Variants in GGNBP2 observed in about 807,000 individuals in gnomAD.
GGNBP2 encodes gametogenetin-binding protein 2.
Under a neutral mutation model 85.9 loss-of-function variants are expected in GGNBP2, and 10 were observed. That is an observed-to-expected ratio of 0.12 (90% CI 0.07 to 0.20). The LOEUF (loss-of-function observed/expected upper bound fraction) is 0.20, where lower values mean the gene tolerates loss of function less well. Among genes scored for constraint, GGNBP2 ranks in the 10% least tolerant of loss-of-function variants. GGNBP2 has a pLI of 1.00. For synonymous variants in GGNBP2, 287 were observed against 285.7 expected (o/e 1.00, Z -0.05); for missense variants, 595 against 857.8 (o/e 0.69, Z 3.83).
chr17:36,587,584 TAAAAA>T (rs569127085), intron 13 of GGNBP2: 4 of 207,588 alleles, frequency 1.9e-5, no homozygotes, highest in Non-Finnish European at 3.9e-5. Flanking sequence ...TTTGTAAAGT[TAAAAA>T]AAAAAAATCC....
At chr17:36,572,994 T>A (rs1344123676) in intron 6 of GGNBP2, among the ~76,000 whole-genome samples, 1 of 151,310 alleles carries the variant, frequency 6.6e-6, no homozygotes, top group Non-Finnish European at 1.5e-5. Flanking sequence ...AGATAATGTC[T>A]AAGATTCATC....
chr17:36,566,550 A>T (rs908594469), intron 5 of GGNBP2, among the ~76,000 whole-genome samples: 2 of 151,978 alleles, frequency 1.3e-5, no homozygotes, highest in African/African-American at 4.8e-5. Flanking sequence ...GTGGTGGTAC[A>T]CGCCTATGGT....
intron 2 of GGNBP2, among the ~76,000 whole-genome samples, chr17:36,553,021 C>CAAA (rs56946600): frequency 0.037 from 2,831 of 75,956 alleles, 123 homozygotes; most frequent in Non-Finnish European, 0.051. Flanking sequence ...GACTCTGTCT[C>CAAA]AAAAAAAAAA....
At chr17:36,546,527 A>G (rs2074257116) in intron 2 of GGNBP2, 1 of 152,088 alleles carries the variant, frequency 6.6e-6, no homozygotes. Context: ...GTCAAGACCC[A>G]GTTCCGGGTA....
chr17:36,574,583 G>A, intron 6 of GGNBP2: 1 of 535,002 alleles, frequency 1.9e-6, no homozygotes, highest in South Asian at 2.5e-5. Flanking sequence ...CCAGAGGTCG[G>A]GGGTCAGGTA....
intron 2 of GGNBP2, chr17:36,546,859 C>G (rs1006943387): frequency 1.3e-5 from 2 of 151,922 alleles, no homozygotes; most frequent in Non-Finnish European, 2.9e-5. Flanking sequence ...AAATATCTAC[C>G]GAAGTTTTTT....
intron 2 of GGNBP2, among the ~76,000 whole-genome samples, chr17:36,553,202 G>A (rs1395411436): frequency 6.6e-6 from 1 of 152,106 alleles, no homozygotes; most frequent in Non-Finnish European, 1.5e-5. Context: ...TTACTACCTA[G>A]AGATAGCCAC....
At chr17:36,584,189 C>T (rs778612633) in intron 9 of GGNBP2, among the ~76,000 whole-genome samples, 4 of 152,218 alleles carry the variant, frequency 2.6e-5, no homozygotes, top group Non-Finnish European at 5.9e-5. Flanking sequence ...TGCTAAATAT[C>T]CAAGTCTCTC....
intron 6 of GGNBP2, among the ~76,000 whole-genome samples, chr17:36,575,648 A>ATATATATATATTTTTTT (rs374366757): frequency 3.6e-5 from 2 of 54,914 alleles, no homozygotes; most frequent in Non-Finnish European, 5.7e-5. Context: ...ATATATATAT[A>ATATATATATATTTTTTT]TTTTTTTTTT....
In GGNBP2 at chr17:36,589,724, A is replaced by G; in HGVS notation, c.*313A>G. The stretch of plus-strand genomic sequence containing the variant: ...GTTGTACTTATAATTCTGTACAGAA[A>G]TGACAATGAGCTGAATATATGGTTT... On this transcript the variant is annotated 3_prime_UTR_variant, in exon 14 of 14. Coordinates refer to ENST00000613102, the MANE Select transcript of GGNBP2 (RefSeq NM_024835.5). The G allele has an allele frequency of 5.9e-6, 2 of 336,434 alleles. No individual in the cohort carries two copies. Among genetic ancestry groups the G allele is most frequent in the Non-Finnish European group, 1.1e-5 (2 of 184,450 alleles). 20.8% of individuals were successfully genotyped at this position (336,434 alleles called of 1,614,324 possible). A position where few individuals can be genotyped will look rare whatever the true frequency, so the allele number is the denominator to read the frequency against.
intron 2 of GGNBP2, among the ~76,000 whole-genome samples, chr17:36,548,214 A>T (rs1051177380): frequency 6.6e-6 from 1 of 152,250 alleles, no homozygotes; most frequent in African/African-American, 2.4e-5. Context: ...GTTTACAGGC[A>T]GTTGCAGACT....
chr17:36,586,108 T>C lies in GGNBP2; in HGVS notation c.1551T>C (p.Val517=). The C allele has an allele frequency of 6.2e-7, 1 of 1,614,150 alleles. No individual in the cohort carries two copies. Among genetic ancestry groups the C allele is most frequent in the Non-Finnish European group, 8.5e-7 (1 of 1,180,026 alleles). ...EDKEDDGDSC[V]ECWANSEEND... ...AAGAGGATGATGGTGATAGTTGTGT[T>C]GAATGTTGGGCAAATTCTGAAGAGA... Residue 517 remains valine (V), a synonymous_variant, in exon 12 of 14, where the codon GTT becomes GTC. Transcript: ENST00000613102.
intron 9 of GGNBP2, 165 bp downstream of exon 9, chr17:36,581,703 AG>A: frequency 2.4e-6 from 1 of 418,786 alleles, no homozygotes; most frequent in Non-Finnish European, 4.3e-6. Flanking sequence ...CAAGATAGTG[AG>A]ATCTCTATCT....
chr17:36,545,608 G>T lies in GGNBP2; in HGVS notation c.-106-11G>T. The T allele has an allele frequency of 1.3e-6, 1 of 749,056 alleles. No homozygotes were observed. The allele number at this position is 749,056 out of a possible 1,614,324, so 46.4% of individuals were successfully genotyped here. A position where few individuals can be genotyped will look rare whatever the true frequency, so the allele number is the denominator to read the frequency against. On this transcript the variant is annotated splice_polypyrimidine_tract_variant and intron_variant, in intron 1 of 13. Coordinates refer to ENST00000613102, the MANE Select transcript of GGNBP2 (RefSeq NM_024835.5). ...GCGGGTGCTTACGCTCGCGGGGTTT[G>T]GCTGTTGCAGGCAGGAGCTGGGAGG...
rs541672980 is a variant in GGNBP2, at chr17:36,569,458, G to T, written c.641+1682G>T. Among the ~76,000 whole-genome samples, 6 of 152,250 alleles carry T rather than the reference G, an allele frequency of 3.9e-5. No individual in the cohort carries two copies. In the South Asian group the frequency reaches 1.2e-3, roughly 32 times the overall value. ...AGCATCTAGAGATGGTGTTCTTGGG[G>T]CAGTTCTACTGTTTAAATTTGTTAC... On this transcript the variant is annotated intron_variant, in intron 6 of 13. Coordinates refer to ENST00000613102, the MANE Select transcript of GGNBP2 (RefSeq NM_024835.5).
At chr17:36,552,596 A>G (rs1198599927) in intron 2 of GGNBP2, among the ~76,000 whole-genome samples, 1 of 152,190 alleles carries the variant, frequency 6.6e-6, no homozygotes, top group Non-Finnish European at 1.5e-5. Flanking sequence ...ACCCCCCTTT[A>G]GAGGTATTAA....
chr17:36,573,264 C>T (rs889770523), intron 6 of GGNBP2, among the ~76,000 whole-genome samples: 2 of 152,086 alleles, frequency 1.3e-5, no homozygotes, highest in African/African-American at 4.8e-5. Context: ...AGGCACACAC[C>T]ACCACACCTG....
intron 3 of GGNBP2, among the ~76,000 whole-genome samples, chr17:36,556,593 A>G (rs2074363575): frequency 2.0e-5 from 3 of 151,872 alleles, no homozygotes; most frequent in African/African-American, 7.3e-5. Flanking sequence ...AGTCCCAGCT[A>G]CTCGGGAGGC....
At position 36,586,032 on chromosome 17, in the gene GGNBP2, G is replaced by A. The variant is rs780404951; in HGVS notation, c.1493-18G>A. 1.2e-6 allele frequency: 2 copies of A among 1,613,462 alleles called. No individual in the cohort carries two copies. The highest frequency in any genetic ancestry group is 3.3e-5 in the Admixed American group (2 of 59,978). On this transcript the variant is annotated intron_variant, in intron 11 of 13. Coordinates refer to ENST00000613102, the MANE Select transcript of GGNBP2 (RefSeq NM_024835.5). ...CTGACTTAAGAACATAAATAAGAAG[G>A]ATTATTGATTTCTGCAGGTGATGAC...
Sources: gnomAD v4.1 joint callset for allele counts (sites outside exome capture counted in the v4.1 genomes callset) on GRCh38, gnomAD v4.1.1 for gene constraint, MANE v1.5 for transcripts, NCBI Gene and HGNC (gene_info 2026-07-23, HGNC 2026-07-21) for gene names.